CNTN3: variants seen among roughly 807,000 people sequenced by gnomAD.
CNTN3 encodes contactin 3.
Under a neutral mutation model 119.1 loss-of-function variants are expected in CNTN3, and 60 were observed. The observed-to-expected ratio is 0.50, with a 90% CI of 0.41 to 0.62. CNTN3 has a LOEUF of 0.62. CNTN3 is among the 20% of genes least tolerant of loss of function. The pLI is 0.00. For synonymous variants in CNTN3, 450 were observed against 438.7 expected (o/e 1.03, Z -0.32); for missense variants, 1,101 against 1,242.4 (o/e 0.89, Z 1.71).
At chr3:74,326,610 C>A (rs1050630580) in intron 13 of CNTN3, among the ~76,000 whole-genome samples, 2 of 151,616 alleles carry the variant, frequency 1.3e-5, no homozygotes, top group Non-Finnish European at 2.9e-5. Flanking sequence ...TTATTTTTTG[C>A]AATTTACCTG....
intron 11 of CNTN3, among the ~76,000 whole-genome samples, chr3:74,344,922 A>G (rs1347282944): frequency 2.6e-5 from 4 of 151,996 alleles, no homozygotes; most frequent in African/African-American, 9.7e-5. Flanking sequence ...ACAACTGAGG[A>G]GGGGATCAGA....
chr3:74,604,482 A>C (rs1160197599), intron 1 of CNTN3, among the ~76,000 whole-genome samples: 1 of 152,100 alleles, frequency 6.6e-6, no homozygotes, highest in Non-Finnish European at 1.5e-5. Context: ...CAAATAACCT[A>C]ATTTTAAAAT....
intron 2 of CNTN3, 55 bp downstream of exon 2, chr3:74,521,001 CAT>C: frequency 1.0e-6 from 1 of 956,132 alleles, no homozygotes; most frequent in Non-Finnish European, 1.6e-6. Flanking sequence ...ATTATGTAAG[CAT>C]ATGACTCGAG....
chr3:74,353,755 C>CA (rs922990463), intron 11 of CNTN3, among the ~76,000 whole-genome samples: 66 of 146,774 alleles, frequency 4.5e-4, no homozygotes, highest in African/African-American at 1.0e-3. Context: ...GACTCCGTCT[C>CA]AAAAAAAAAA....
chr3:74,338,465 T>A (rs762240131), intron 11 of CNTN3, among the ~76,000 whole-genome samples: 13 of 150,014 alleles, frequency 8.7e-5, no homozygotes, highest in Non-Finnish European at 1.8e-4. Context: ...CATATGTGTA[T>A]ACACATATGT....
intron 3 of CNTN3, among the ~76,000 whole-genome samples, chr3:74,491,728 T>C (rs1407465599): frequency 2.0e-5 from 3 of 152,176 alleles, no homozygotes; most frequent in Admixed American, 6.6e-5. Context: ...GGGAAGCTTT[T>C]AGTAGTAAAC....
At chr3:74,289,709 G>A (rs1435163930) in intron 19 of CNTN3, among the ~76,000 whole-genome samples, 2 of 152,166 alleles carry the variant, frequency 1.3e-5, no homozygotes. Flanking sequence ...TTTTAACTGA[G>A]CCTTGGAGAG....
At chr3:74,548,693 AT>A (rs1212919587) in intron 1 of CNTN3, among the ~76,000 whole-genome samples, 1 of 152,322 alleles carries the variant, frequency 6.6e-6, no homozygotes, top group Non-Finnish European at 1.5e-5. Flanking sequence ...CAACATTATA[AT>A]TGAAACAACA....
chr3:74,370,215 C>A (rs912614749), intron 6 of CNTN3, among the ~76,000 whole-genome samples: 1 of 151,760 alleles, frequency 6.6e-6, no homozygotes, highest in Non-Finnish European at 1.5e-5. Flanking sequence ...GCTTTTTAGC[C>A]TCTAACAAAA....
intron 11 of CNTN3, among the ~76,000 whole-genome samples, chr3:74,358,604 T>G (rs180781851): frequency 0.019 from 2,806 of 150,092 alleles, 59 homozygotes; most frequent in African/African-American, 0.053. Context: ...TTGATTTATT[T>G]ATTTATTTAT....
chr3:74,293,475 G>A (rs1039843595), intron 19 of CNTN3, among the ~76,000 whole-genome samples: 3 of 152,076 alleles, frequency 2.0e-5, no homozygotes, highest in Non-Finnish European at 4.4e-5. Context: ...CTTTATTCTG[G>A]CTGCCCCCAC....
intron 2 of CNTN3, among the ~76,000 whole-genome samples, chr3:74,511,391 C>T (rs1431697977): frequency 2.0e-5 from 3 of 152,114 alleles, no homozygotes; most frequent in Admixed American, 6.6e-5. Context: ...TGTCATTCTT[C>T]CTCCTGGAAT....
chr3:74,298,085 G>T lies in CNTN3; in HGVS notation c.2273C>A (p.Thr758Asn). 1 of 1,613,958 alleles carries T rather than the reference G, an allele frequency of 6.2e-7. No homozygotes were observed. Among genetic ancestry groups the T allele is most frequent in the Non-Finnish European group, 8.5e-7 (1 of 1,179,924 alleles). The change falls in exon 18 of 23, where the codon ACC (threonine) becomes AAC (asparagine). Residue 758 changes from threonine (T) to asparagine (N), a missense_variant. Transcript: ENST00000263665. Reference protein sequence around the residue: ...WIQTVVTSPDTPRYVFRNESI... With the variant: ...WIQTVVTSPDNPRYVFRNESI... ...TTCATTCCTAAAGACATATCTTGGG[G>T]TGTCAGGGGATGTCACCACTGTCTG...
intron 4 of CNTN3, among the ~76,000 whole-genome samples, chr3:74,468,508 T>C (rs1008793070): frequency 1.3e-5 from 2 of 152,204 alleles, no homozygotes; most frequent in Non-Finnish European, 2.9e-5. Flanking sequence ...TTTCCATCAA[T>C]GGGCCCATAT....
intron 3 of CNTN3, 36 bp downstream of exon 3, chr3:74,499,623 T>A (rs773060289): frequency 1.3e-5 from 20 of 1,572,384 alleles, no homozygotes; most frequent in Admixed American, 1.9e-5. Context: ...GTGTGTTTAG[T>A]TTTTTTTATT....
At chr3:74,536,508 A>T (rs1336018916) in intron 1 of CNTN3, among the ~76,000 whole-genome samples, 1 of 152,088 alleles carries the variant, frequency 6.6e-6, no homozygotes, top group Non-Finnish European at 1.5e-5. Context: ...GACAAAATTG[A>T]ATTTACTAAA....
intron 13 of CNTN3, among the ~76,000 whole-genome samples, chr3:74,314,205 A>G (rs1184627074): frequency 1.3e-5 from 2 of 152,228 alleles, no homozygotes; most frequent in African/African-American, 4.8e-5. Context: ...AAAATTCTCA[A>G]TTAAACCACA....
intron 4 of CNTN3, among the ~76,000 whole-genome samples, chr3:74,436,284 C>T (rs1701864741): frequency 2.0e-5 from 3 of 152,278 alleles, no homozygotes; most frequent in African/African-American, 2.4e-5. Context: ...TGGATGTTTA[C>T]GGAAACTGCA....
At chr3:74,471,342 A>AT (rs1375327395) in intron 4 of CNTN3, among the ~76,000 whole-genome samples, 1 of 152,148 alleles carries the variant, frequency 6.6e-6, no homozygotes, top group Non-Finnish European at 1.5e-5. Flanking sequence ...TTAAAGTATA[A>AT]TAAAAAAAAA....
Sources: allele counts gnomAD v4.1 joint callset (sites outside exome capture counted in the v4.1 genomes callset), GRCh38; gene constraint gnomAD v4.1.1; transcripts MANE v1.5; gene names NCBI Gene and HGNC (gene_info 2026-07-23, HGNC 2026-07-21).